The following PATJ variants were observed in gnomAD, a reference collection of about 807,000 sequenced individuals.
PATJ encodes PATJ crumbs cell polarity complex component.
In PATJ, 190 loss-of-function variants were observed where a neutral mutation model predicts 224.9. The observed-to-expected ratio is 0.84, with a 90% confidence interval of 0.75 to 0.95. PATJ has a LOEUF of 0.95. Ranked by LOEUF, PATJ falls within the 40% of genes least tolerant of loss-of-function variation. The pLI is 0.00. For synonymous variants in PATJ, 769 were observed against 820.3 expected, an observed-to-expected ratio of 0.94 and a Z score of 1.07; for missense variants, 2,121 against 2,270.3, an observed-to-expected ratio of 0.93 and a Z score of 1.34.
chr1:62,010,149 A>G (rs1464783374), intron 28 of PATJ, among the ~76,000 whole-genome samples: 1 of 151,658 alleles, frequency 6.6e-6, no homozygotes, highest in African/African-American at 2.4e-5. Context: ...GCAGCTCCTC[A>G]TCTGTTCAAG....
chr1:61,894,881 A>T (rs1670142280), intron 22 of PATJ, among the ~76,000 whole-genome samples: 1 of 152,216 alleles, frequency 6.6e-6, no homozygotes, highest in Non-Finnish European at 1.5e-5. Flanking sequence ...CTTGTTGAAT[A>T]CTTTTGACCA....
intron 28 of PATJ, among the ~76,000 whole-genome samples, chr1:61,999,392 C>T (rs1221131624): frequency 6.6e-6 from 1 of 152,074 alleles, no homozygotes; most frequent in African/African-American, 2.4e-5. Flanking sequence ...TGTATATTTT[C>T]TGCCCCATTA....
chr1:62,028,399 A>C (rs1648461381), intron 29 of PATJ, among the ~76,000 whole-genome samples: 1 of 152,148 alleles, frequency 6.6e-6, no homozygotes, highest in Non-Finnish European at 1.5e-5. Context: ...TTTTACATGT[A>C]GATATCCAGT....
intron 27 of PATJ, 26 bp downstream of exon 27, chr1:61,927,855 T>A (rs951316933): frequency 1.4e-6 from 2 of 1,443,942 alleles, no homozygotes; most frequent in African/African-American, 2.8e-5. Flanking sequence ...CTATTTAGGG[T>A]AGATGCAGAA....
Position 61,903,954 on chromosome 1 carries a change from G to C in PATJ, c.3381+2495G>C, listed in dbSNP as rs1394685591. ...CGCCCGGCTAATTTTTGAATTTTTT[G>C]GTGGAGACAGGGTTTTGCCATGTTG... On this transcript the variant is annotated intron_variant, in intron 24 of 43. Transcript: ENST00000642238. Among the ~76,000 whole-genome samples, 6 of 151,800 alleles carry C rather than the reference G, an allele frequency of 4.0e-5. No homozygotes were observed. The East Asian group carries it at 1.2e-3, about 29-fold the overall frequency.
chr1:61,869,236 A>G (rs1459240470), intron 20 of PATJ, among the ~76,000 whole-genome samples: 6 of 147,394 alleles, frequency 4.1e-5, no homozygotes, highest in African/African-American at 1.0e-4. Context: ...CCTCCCAAGT[A>G]GCTGGGACTA....
At chr1:61,827,185 C>T (rs1009078747) in intron 15 of PATJ, among the ~76,000 whole-genome samples, 2 of 152,070 alleles carry the variant, frequency 1.3e-5, no homozygotes, top group Admixed American at 6.6e-5. Flanking sequence ...GCATTTTGTA[C>T]TTTATCCATC....
At chr1:61,818,824 T>C (rs1656693599) in intron 14 of PATJ, among the ~76,000 whole-genome samples, 1 of 152,176 alleles carries the variant, frequency 6.6e-6, no homozygotes, top group Admixed American at 6.5e-5. Flanking sequence ...CTGCGAATCC[T>C]GACTCCAGCT....
At chr1:61,771,934 C>T (rs1646636876) in intron 6 of PATJ, among the ~76,000 whole-genome samples, 1 of 152,058 alleles carries the variant, frequency 6.6e-6, no homozygotes, top group East Asian at 1.9e-4. Flanking sequence ...TTTGGCCAGG[C>T]TGGTCTCGAA....
chr1:61,896,123 C>G (rs955982210), intron 22 of PATJ, among the ~76,000 whole-genome samples: 2 of 152,008 alleles, frequency 1.3e-5, no homozygotes, highest in African/African-American at 2.4e-5. Context: ...ATGGTGAAAC[C>G]CTGTCTCTAC....
chr1:62,122,681 C>A (rs200747275), intron 38 of PATJ, among the ~76,000 whole-genome samples: 1 of 151,956 alleles, frequency 6.6e-6, no homozygotes, highest in African/African-American at 2.4e-5. Context: ...AAAAATTAGC[C>A]GGGCGTGGTG....
At chr1:62,116,462 C>T (rs1664450948) in intron 35 of PATJ, 70 bp from the exon 36 acceptor site, 3 of 1,500,098 alleles carry the variant, frequency 2.0e-6, no homozygotes, top group African/African-American at 1.4e-5. Context: ...TGCATCCTGT[C>T]ACACACACAC....
At chr1:62,091,538 G>T (rs1300996814) in intron 33 of PATJ, among the ~76,000 whole-genome samples, 1 of 152,216 alleles carries the variant, frequency 6.6e-6, no homozygotes, top group Non-Finnish European at 1.5e-5. Context: ...AACTTTGTCT[G>T]TGTGTCTTTG....
intron 33 of PATJ, among the ~76,000 whole-genome samples, chr1:62,098,676 G>T (rs1234781627): frequency 6.6e-6 from 1 of 151,984 alleles, no homozygotes; most frequent in Non-Finnish European, 1.5e-5. Context: ...GATCCAGTTG[G>T]TTACCTGCAG....
At chr1:61,772,725 G>T (rs1402771129) in intron 6 of PATJ, among the ~76,000 whole-genome samples, 2 of 152,150 alleles carry the variant, frequency 1.3e-5, no homozygotes, top group East Asian at 3.9e-4. Context: ...TAAAGAACAA[G>T]GGCTTTGGAG....
chr1:62,008,377 T>C (rs1038643061), intron 28 of PATJ, among the ~76,000 whole-genome samples: 5 of 152,208 alleles, frequency 3.3e-5, no homozygotes, highest in Admixed American at 1.3e-4. Flanking sequence ...CTTAGTGATA[T>C]AGAAATTGAG....
chr1:62,009,255 T>A (rs1022765017), intron 28 of PATJ, among the ~76,000 whole-genome samples: 2 of 152,110 alleles, frequency 1.3e-5, no homozygotes, highest in African/African-American at 4.8e-5. Flanking sequence ...ACAGGCATAC[T>A]TCAGATAGAT....
At chr1:61,883,635 G>GCTAC (rs1668390539) in intron 21 of PATJ, among the ~76,000 whole-genome samples, 1 of 151,750 alleles carries the variant, frequency 6.6e-6, no homozygotes, top group Non-Finnish European at 1.5e-5. Context: ...AACACCTGTA[G>GCTAC]TCCCAGCTAC....
chr1:62,041,620 G>A (rs1459601368), intron 30 of PATJ, among the ~76,000 whole-genome samples: 1 of 152,170 alleles, frequency 6.6e-6, no homozygotes, highest in Non-Finnish European at 1.5e-5. Context: ...GTAGATAGTG[G>A]TACTATTTAC....
Sources: gnomAD v4.1 joint callset for allele counts (sites outside exome capture counted in the v4.1 genomes callset) on GRCh38, gnomAD v4.1.1 for gene constraint, MANE v1.5 for transcripts, NCBI Gene and HGNC (gene_info 2026-07-23, HGNC 2026-07-21) for gene names.